Variants in ATP8B4 observed in about 807,000 individuals in gnomAD.
The protein encoded by ATP8B4 is ATPase phospholipid transporting 8B4 (putative), also known as probable phospholipid-transporting ATPase IM.
ATP8B4 carries 133 observed loss-of-function variants against 145.6 expected under a neutral mutation model. The ratio of observed to expected loss-of-function variants is 0.91; its 90% CI spans 0.79 to 1.05. The LOEUF (loss-of-function observed/expected upper bound fraction) is 1.05, where lower values mean the gene tolerates loss of function less well. ATP8B4 is among the 50% of genes least tolerant of loss of function. ATP8B4 has a pLI of 0.00. For synonymous variants in ATP8B4, 507 were observed against 492.9 expected (o/e 1.03, Z -0.38); for missense variants, 1,458 against 1,425.2 (o/e 1.02, Z -0.37).
At chr15:50,127,360 A>C (rs527324737) in intron 1 of ATP8B4, among the ~76,000 whole-genome samples, 205 of 152,274 alleles carry the variant, frequency 1.3e-3, no homozygotes, top group African/African-American at 4.9e-3. Flanking sequence ...AGATTAACTG[A>C]CCCATGTTCA....
chr15:49,959,232 C>T (rs2043850588), intron 14 of ATP8B4, among the ~76,000 whole-genome samples: 1 of 151,654 alleles, frequency 6.6e-6, no homozygotes, highest in South Asian at 2.1e-4. Context: ...TCATGGGTGA[C>T]AAAGGGCTAT....
intron 12 of ATP8B4, 23 bp downstream of exon 12, chr15:49,979,594 T>C: frequency 7.1e-7 from 1 of 1,399,764 alleles, no homozygotes; most frequent in Non-Finnish European, 9.6e-7. Flanking sequence ...ATTATTTCAT[T>C]AAAATATAAA....
intron 21 of ATP8B4, among the ~76,000 whole-genome samples, chr15:49,899,398 C>G (rs1000543422): frequency 6.6e-6 from 1 of 152,166 alleles, no homozygotes; most frequent in Non-Finnish European, 1.5e-5. Flanking sequence ...GAGCCATGTT[C>G]TATTCACAGT....
intron 20 of ATP8B4, among the ~76,000 whole-genome samples, chr15:49,905,470 C>T (rs1020771801): frequency 6.7e-6 from 1 of 149,366 alleles, no homozygotes; most frequent in African/African-American, 2.4e-5. Flanking sequence ...CAACTTTGAG[C>T]AATAGCTTTT....
At chr15:49,913,280 A>G (rs1230335055) in intron 20 of ATP8B4, among the ~76,000 whole-genome samples, 3 of 152,188 alleles carry the variant, frequency 2.0e-5, no homozygotes, top group African/African-American at 4.8e-5. Flanking sequence ...CAAAAACCAT[A>G]TAGTTATCTC....
rs374511485 is a variant in ATP8B4 at position 50,055,485 on chromosome 15, C to T, written c.88-8021G>A. Reference sequence around the variant, plus strand: ...AGCAGTTGTCCAGAGACACTGCCTACGTCTATGAATCCCACAAGCCCCAGG... The same window carrying T: ...AGCAGTTGTCCAGAGACACTGCCTATGTCTATGAATCCCACAAGCCCCAGG... On this transcript the variant is annotated intron_variant, in intron 3 of 27. Transcript: ENST00000284509. Among the ~76,000 whole-genome samples the T allele has an allele frequency of 3.3e-4, 50 of 152,296 alleles. 1 individual carries two copies. The South Asian group carries it at 7.3e-3, about 22-fold the overall frequency.
Position 49,932,191 on chromosome 15 carries a change from T to C in ATP8B4, c.1454-884A>G, listed in dbSNP as rs1178606792. Among the ~76,000 whole-genome samples the C allele has an allele frequency of 3.9e-5, 6 of 152,024 alleles. No individual in the cohort carries two copies. The East Asian group carries it at 5.8e-4, about 15-fold the overall frequency. ...TAAACAAGTTGCATATTAATGGCTATACTATGAGTTCTTTTTGTTAAAAAG... is the reference window on the plus strand; with the variant it reads ...TAAACAAGTTGCATATTAATGGCTACACTATGAGTTCTTTTTGTTAAAAAG... On this transcript the variant is annotated intron_variant, in intron 15 of 27. Coordinates refer to ENST00000284509, the MANE Select transcript of ATP8B4 (RefSeq NM_024837.4).
intron 14 of ATP8B4, among the ~76,000 whole-genome samples, chr15:49,942,872 A>G (rs535415468): frequency 1.6e-4 from 25 of 152,178 alleles, no homozygotes; most frequent in African/African-American, 5.5e-4. Flanking sequence ...ATAAAATTCC[A>G]GAAATTAGTC....
rs1219654093 is a variant in ATP8B4 at position 50,085,966 on chromosome 15, TATATG to T, written c.29-11786_29-11782del. ...ATATGATATATATCATATATATTTA[TATATG>T]ATATATCAAATATATCATATATATT... On this transcript the variant is annotated intron_variant, in intron 2 of 27. Coordinates refer to ENST00000284509, the MANE Select transcript of ATP8B4 (RefSeq NM_024837.4). Among the ~76,000 whole-genome samples the T allele has an allele frequency of 8.5e-4, 74 of 87,370 alleles. 3 individuals carry two copies. The highest frequency in any genetic ancestry group is 4.3e-3 in the African/African-American group (69 of 16,014). 57.3% of individuals were successfully genotyped at this position (87,370 alleles called of 152,430 possible). A position where few individuals can be genotyped will look rare whatever the true frequency, so the allele number is the denominator to read the frequency against.
chr15:49,862,394 A>T lies in ATP8B4; in HGVS notation c.3167-19T>A. The T allele has an allele frequency of 6.2e-7, 1 of 1,611,382 alleles. No individual in the cohort carries two copies. Among genetic ancestry groups the T allele is most frequent in the Non-Finnish European group, 8.5e-7 (1 of 1,178,216 alleles). On this transcript the variant is annotated intron_variant, in intron 26 of 27. Transcript: ENST00000284509. ...GCATTACCTATCAATCATTAAAGAA[A>T]ATATACACTGTGGTTACAAGTAGGA...
At chr15:50,132,785 A>G (rs1035519759) in intron 1 of ATP8B4, among the ~76,000 whole-genome samples, 1 of 152,224 alleles carries the variant, frequency 6.6e-6, no homozygotes, top group Admixed American at 6.5e-5. Context: ...CAGCCACAAA[A>G]AAGGATGAGT....
intron 3 of ATP8B4, among the ~76,000 whole-genome samples, chr15:50,053,200 T>A (rs947900674): frequency 2.6e-5 from 4 of 152,204 alleles, no homozygotes; most frequent in Admixed American, 2.6e-4. Flanking sequence ...ATGAAATAGG[T>A]ACTATTATTT....
At chr15:49,930,622 G>A (rs898066838) in intron 16 of ATP8B4, among the ~76,000 whole-genome samples, 2 of 151,992 alleles carry the variant, frequency 1.3e-5, no homozygotes, top group African/African-American at 2.4e-5. Context: ...AAACTCATCC[G>A]GAGCCAGTAC....
At chr15:50,141,286 T>C (rs2044205625) in intron 1 of ATP8B4, among the ~76,000 whole-genome samples, 1 of 151,638 alleles carries the variant, frequency 6.6e-6, no homozygotes, top group South Asian at 2.1e-4. Context: ...CCACCAAGAA[T>C]AGGGAAACCA....
chr15:50,041,737 G>A (rs534221182), intron 5 of ATP8B4, among the ~76,000 whole-genome samples: 3 of 152,234 alleles, frequency 2.0e-5, no homozygotes, highest in African/African-American at 7.2e-5. Context: ...AGGTCAGATC[G>A]AGACCATCTT....
chr15:50,176,586 A>G (rs1034583179), intron 1 of ATP8B4, among the ~76,000 whole-genome samples: 1 of 152,186 alleles, frequency 6.6e-6, no homozygotes, highest in Non-Finnish European at 1.5e-5. Flanking sequence ...AAAAAAGAGT[A>G]CATTGTGACT....
intron 2 of ATP8B4, among the ~76,000 whole-genome samples, chr15:50,094,544 G>GTA (rs2055829656): frequency 6.8e-6 from 1 of 147,898 alleles, no homozygotes; most frequent in South Asian, 2.1e-4. Context: ...ATACATACAT[G>GTA]TATATATACA....
intron 3 of ATP8B4, among the ~76,000 whole-genome samples, chr15:50,072,222 CAT>C (rs2053790864): frequency 6.6e-6 from 1 of 152,152 alleles, no homozygotes; most frequent in South Asian, 2.1e-4. Flanking sequence ...CTGGGACTCT[CAT>C]ATTTCTATGC....
At chr15:49,893,040 C>T (rs2036996556) in intron 23 of ATP8B4, among the ~76,000 whole-genome samples, 1 of 152,218 alleles carries the variant, frequency 6.6e-6, no homozygotes, top group Non-Finnish European at 1.5e-5. Context: ...GCAGTGCCCA[C>T]AGGGAACTGG....
Sources: allele counts gnomAD v4.1 joint callset (sites outside exome capture counted in the v4.1 genomes callset), GRCh38; gene constraint gnomAD v4.1.1; transcripts MANE v1.5; gene names NCBI Gene and HGNC (gene_info 2026-07-23, HGNC 2026-07-21).